Variants in CACHD1 observed in about 807,000 individuals in gnomAD.
CACHD1 encodes the protein cache domain containing 1, also known as VWFA and cache domain-containing protein 1.
In CACHD1, 71 loss-of-function variants were observed where a neutral mutation model predicts 138.7. That is an observed-to-expected ratio of 0.51 (90% CI 0.42 to 0.62). The LOEUF (loss-of-function observed/expected upper bound fraction) is 0.62. Among genes scored for constraint, CACHD1 ranks in the 20% least tolerant of loss-of-function variants. The pLI is 0.00. For synonymous variants in CACHD1, 578 were observed against 591.5 expected (o/e 0.98, Z 0.33); for missense variants, 1,389 against 1,625.3 (o/e 0.85, Z 2.50).
At chr1:64,506,609 C>T (rs896867406) in intron 1 of CACHD1, 2 of 152,154 alleles carry the variant, frequency 1.3e-5, no homozygotes, top group African/African-American at 2.4e-5. Context: ...AGTGGGTATA[C>T]TGAGAGAAAA....
intron 1 of CACHD1, among the ~76,000 whole-genome samples, chr1:64,516,280 A>G (rs534409644): frequency 3.9e-5 from 6 of 152,334 alleles, no homozygotes; most frequent in South Asian, 2.1e-4. Context: ...TAGCCAAAGC[A>G]AGCAATTTCA....
chr1:64,614,557 C>A (rs376544712), intron 4 of CACHD1, among the ~76,000 whole-genome samples: 19 of 152,176 alleles, frequency 1.2e-4, no homozygotes, highest in African/African-American at 4.6e-4. Context: ...GGTCTAGACA[C>A]CCCGCTGGGT....
At chr1:64,606,120 C>CACAA (rs1314506858) in intron 4 of CACHD1, among the ~76,000 whole-genome samples, 8 of 151,902 alleles carry the variant, frequency 5.3e-5, no homozygotes, top group African/African-American at 1.9e-4. Context: ...CACACACACA[C>CACAA]ACACACACAC....
intron 3 of CACHD1, among the ~76,000 whole-genome samples, chr1:64,591,693 T>C (rs1362111432): frequency 6.6e-6 from 1 of 152,182 alleles, no homozygotes; most frequent in Non-Finnish European, 1.5e-5. Flanking sequence ...CAACTAGAAG[T>C]AACTAGAACC....
intron 4 of CACHD1, among the ~76,000 whole-genome samples, chr1:64,616,343 T>A (rs1206934528): frequency 6.6e-6 from 1 of 151,316 alleles, no homozygotes; most frequent in Non-Finnish European, 1.5e-5. Flanking sequence ...GATAATGAAG[T>A]GTATTGGTGA....
chr1:64,598,384 A>T (rs1647176295), intron 3 of CACHD1, among the ~76,000 whole-genome samples: 1 of 152,180 alleles, frequency 6.6e-6, no homozygotes, highest in African/African-American at 2.4e-5. Context: ...GAGAGAACTC[A>T]CGGCAGTTGA....
chr1:64,481,425 G>T (rs1167466191), intron 1 of CACHD1, among the ~76,000 whole-genome samples: 3 of 152,202 alleles, frequency 2.0e-5, no homozygotes, highest in African/African-American at 7.2e-5. Flanking sequence ...ATTAGGCTTT[G>T]AGTTGTTTCT....
intron 1 of CACHD1, among the ~76,000 whole-genome samples, chr1:64,532,847 G>A (rs973574915): frequency 2.0e-5 from 3 of 152,230 alleles, no homozygotes; most frequent in Middle Eastern, 3.4e-3. Flanking sequence ...GTTCTTACTT[G>A]AAAGCTTGTA....
chr1:64,648,421 C>T (rs1038784335), intron 9 of CACHD1, among the ~76,000 whole-genome samples: 1 of 152,122 alleles, frequency 6.6e-6, no homozygotes. Context: ...TCCATTCTTC[C>T]ACTTGAGGTG....
chr1:64,554,431 G>A (rs1275244724), intron 2 of CACHD1, among the ~76,000 whole-genome samples: 1 of 152,196 alleles, frequency 6.6e-6, no homozygotes, highest in Non-Finnish European at 1.5e-5. Context: ...AGTGCTGGGT[G>A]TCAGTGTTCA....
intron 1 of CACHD1, among the ~76,000 whole-genome samples, chr1:64,471,739 T>C (rs1646146538): frequency 6.6e-6 from 1 of 152,186 alleles, no homozygotes; most frequent in South Asian, 2.1e-4. Context: ...TGAATAAGGT[T>C]CCCATTTCTC....
chr1:64,485,234 T>C (rs1646235400), intron 1 of CACHD1, among the ~76,000 whole-genome samples: 1 of 152,208 alleles, frequency 6.6e-6, no homozygotes, highest in Non-Finnish European at 1.5e-5. Context: ...AATGCAGTCA[T>C]GTAACCAACA....
intron 3 of CACHD1, among the ~76,000 whole-genome samples, chr1:64,596,115 G>A (rs1462726129): frequency 1.3e-5 from 2 of 152,120 alleles, no homozygotes; most frequent in African/African-American, 4.8e-5. Context: ...GTCGAGGGGG[G>A]GGTTGAGTAT....
At chr1:64,490,498 C>T (rs938253738) in intron 1 of CACHD1, among the ~76,000 whole-genome samples, 1 of 152,224 alleles carries the variant, frequency 6.6e-6, no homozygotes, top group African/African-American at 2.4e-5. Flanking sequence ...TCTTCTCTAA[C>T]AAGCCTCACT....
Position 64,691,803 on chromosome 1 carries a change from C to G in CACHD1, c.*242C>G. On this transcript the variant is annotated 3_prime_UTR_variant, in exon 27 of 27. Coordinates refer to ENST00000651257, the MANE Select transcript of CACHD1 (RefSeq NM_020925.4). Reference sequence around the variant, plus strand: ...AGGGGAAATAAGCCTGATGAACAGACCTGCCATAACACTAATGGAAGGTAA... The same window carrying G: ...AGGGGAAATAAGCCTGATGAACAGAGCTGCCATAACACTAATGGAAGGTAA... 1.9e-6 allele frequency: 1 copy of G among 522,966 alleles called. No homozygotes were observed. Among genetic ancestry groups the G allele is most frequent in the Non-Finnish European group, 3.5e-6 (1 of 288,990 alleles). The allele number at this position is 522,966 out of a possible 1,614,324, so 32.4% of individuals were successfully genotyped here.
At chr1:64,675,806 T>G in intron 20 of CACHD1, 91 bp from the exon 21 acceptor site, 4 of 838,986 alleles carry the variant, frequency 4.8e-6, no homozygotes, top group Non-Finnish European at 7.3e-6. Flanking sequence ...TTAAACTAGC[T>G]CAGAGCTTCA....
intron 8 of CACHD1, among the ~76,000 whole-genome samples, chr1:64,646,935 G>A (rs1648926325): frequency 1.3e-5 from 2 of 151,900 alleles, no homozygotes; most frequent in Non-Finnish European, 2.9e-5. Flanking sequence ...AAGAACATGA[G>A]ACAAAACCTT....
Position 64,677,023 on chromosome 1 carries a change from C to T in CACHD1, c.3092+12C>T. 1 of 1,583,336 alleles carries T rather than the reference C, an allele frequency of 6.3e-7. No homozygotes were observed. Among genetic ancestry groups the T allele is most frequent in the Non-Finnish European group, 8.7e-7 (1 of 1,155,246 alleles). On this transcript the variant is annotated intron_variant, in intron 22 of 26. Coordinates refer to ENST00000651257, the MANE Select transcript of CACHD1 (RefSeq NM_020925.4). ...AGGCTGGAAAGTGGGTAAGCAGAATCTAGTAAAGAATTGAGGTTTTCCAGC... is the reference window on the plus strand; with the variant it reads ...AGGCTGGAAAGTGGGTAAGCAGAATTTAGTAAAGAATTGAGGTTTTCCAGC...
At chr1:64,690,252 T>C (rs1283129354) in intron 26 of CACHD1, among the ~76,000 whole-genome samples, 1 of 152,188 alleles carries the variant, frequency 6.6e-6, no homozygotes, top group Middle Eastern at 3.2e-3. Context: ...TAATGTTTCA[T>C]TGAGGACAGA....
Sources: gnomAD v4.1 joint callset for allele counts (sites outside exome capture counted in the v4.1 genomes callset) on GRCh38, gnomAD v4.1.1 for gene constraint, MANE v1.5 for transcripts, NCBI Gene and HGNC (gene_info 2026-07-23, HGNC 2026-07-21) for gene names.